The following TMEM272 variants were observed in gnomAD, a reference collection of about 807,000 sequenced individuals.
TMEM272 encodes transmembrane protein 272, also known as long intergenic non-protein coding RNA 282.
A neutral mutation model predicts 3.7 loss-of-function variants in TMEM272; 8 were observed. The ratio of observed to expected loss-of-function variants is 2.17; its 90% CI spans 1.27 to 3.91. TMEM272 has a LOEUF of 3.91. Among genes scored for constraint, TMEM272 ranks in the 30% most tolerant of loss-of-function variants. The probability of loss-of-function intolerance (pLI) is 0.00; values close to 1 mark genes in which losing one functional copy is unlikely to be tolerated. For synonymous variants in TMEM272, 63 were observed against 39.8 expected (o/e 1.58, Z -2.20); for missense variants, 166 against 91.5 (o/e 1.81, Z -3.32).
At chr13:51,831,599 C>T (rs1217765790) in intron 2 of TMEM272, among the ~76,000 whole-genome samples, 3 of 152,192 alleles carry the variant, frequency 2.0e-5, no homozygotes, top group Admixed American at 2.0e-4. Flanking sequence ...AGCACGAGGC[C>T]TTCTTTACCA....
chr13:51,851,401 GAAGAAGAAC>G, the TMEM272 span, among the ~76,000 whole-genome samples: 15 of 147,016 alleles, frequency 1.0e-4, no homozygotes, highest in African/African-American at 3.5e-4. Context: ...GGAGGAGGAA[GAAGAAGAAC>G]AAGAAGAAGA....
chr13:51,874,609 C>T, the TMEM272 span, among the ~76,000 whole-genome samples: 1 of 152,190 alleles, frequency 6.6e-6, no homozygotes, highest in East Asian at 1.9e-4. Context: ...ACCCCACACC[C>T]AAATGCAGGC....
At chr13:51,825,634 TG>T (rs1234016166) in intron 3 of TMEM272, among the ~76,000 whole-genome samples, 2 of 65,612 alleles carry the variant, frequency 3.0e-5, no homozygotes, top group African/African-American at 1.7e-4. Context: ...TTTGTTTTTG[TG>T]TTTTTTTTTT....
chr13:51,814,483 G>T lies in TMEM272; in HGVS notation c.*2268C>A, dbSNP rs1437454251. The T allele has an allele frequency of 1.3e-5, 2 of 152,256 alleles. No individual in the cohort carries two copies. Among genetic ancestry groups the T allele is most frequent in the African/African-American group, 2.4e-5 (1 of 41,468 alleles). The allele number at this position is 152,256 out of a possible 1,614,324, so 9.4% of individuals were successfully genotyped here. A position where few individuals can be genotyped will look rare whatever the true frequency, so the allele number is the denominator to read the frequency against. The stretch of plus-strand genomic sequence containing the variant: ...GGTAATTTTGTTTTTTAGAGATGGG[G>T]TCTCATTCTGTCACCCAGAGTAGAG... On this transcript the variant is annotated 3_prime_UTR_variant, in exon 5 of 5. Transcript: ENST00000629372.
At chr13:51,931,603 T>C in the TMEM272 span, among the ~76,000 whole-genome samples, 1 of 152,098 alleles carries the variant, frequency 6.6e-6, no homozygotes, top group African/African-American at 2.4e-5. Context: ...CAAACCTGCA[T>C]GCTCTGCACA....
At chr13:51,846,823 A>C (rs181348645), upstream of TMEM272, among the ~76,000 whole-genome samples, 73 of 152,356 alleles carry the variant, frequency 4.8e-4, no homozygotes, top group East Asian at 0.011. Context: ...AAAAATTATA[A>C]AGTAAAAAAG....
At chr13:51,913,308 T>C in the TMEM272 span, among the ~76,000 whole-genome samples, 1 of 152,240 alleles carries the variant, frequency 6.6e-6, no homozygotes, top group Non-Finnish European at 1.5e-5. Flanking sequence ...GTGAGGCAGT[T>C]TGCTTTTACC....
At chr13:51,820,260 G>A (rs536484967) in intron 4 of TMEM272, among the ~76,000 whole-genome samples, 34 of 152,278 alleles carry the variant, frequency 2.2e-4, no homozygotes, top group African/African-American at 7.5e-4. Context: ...TTCATAGAAT[G>A]CAATACTGTG....
chr13:51,834,478 T>G (rs927476130), intron 2 of TMEM272, among the ~76,000 whole-genome samples: 2 of 152,226 alleles, frequency 1.3e-5, no homozygotes, highest in Non-Finnish European at 2.9e-5. Context: ...AAATTAATTT[T>G]ATTAAAGAGG....
the TMEM272 span, among the ~76,000 whole-genome samples, chr13:51,892,751 C>T: frequency 9.7e-4 from 148 of 152,248 alleles, no homozygotes; most frequent in Non-Finnish European, 1.4e-3. Context: ...TCTCATGCAG[C>T]CCCTCCTCCA....
At chr13:51,845,760 A>T (rs1347522615), upstream of TMEM272, among the ~76,000 whole-genome samples, 1 of 152,210 alleles carries the variant, frequency 6.6e-6, no homozygotes, top group Non-Finnish European at 1.5e-5. Flanking sequence ...CTGCTGATTT[A>T]TAAGAAGTGC....
At chr13:51,915,237 G>A in the TMEM272 span, among the ~76,000 whole-genome samples, 2 of 152,166 alleles carry the variant, frequency 1.3e-5, no homozygotes, top group African/African-American at 4.8e-5. Flanking sequence ...CCCTAGCAAG[G>A]TTGATAGAAA....
chr13:51,889,539 G>A, the TMEM272 span, among the ~76,000 whole-genome samples: 25 of 152,236 alleles, frequency 1.6e-4, no homozygotes, highest in South Asian at 4.1e-4. Context: ...CAGCCCTGCC[G>A]GCACCTTGAT....
the TMEM272 span, among the ~76,000 whole-genome samples, chr13:51,853,969 G>A: frequency 6.6e-6 from 1 of 152,132 alleles, no homozygotes; most frequent in Non-Finnish European, 1.5e-5. Flanking sequence ...TTGAAAATTG[G>A]CAAGAATGGT....
the TMEM272 span, among the ~76,000 whole-genome samples, chr13:51,918,130 A>C: frequency 6.6e-6 from 1 of 152,118 alleles, no homozygotes; most frequent in Admixed American, 6.5e-5. Flanking sequence ...TTACCATCAC[A>C]GTTCTCAAAA....
chr13:51,882,551 G>A, the TMEM272 span, among the ~76,000 whole-genome samples: 1 of 152,230 alleles, frequency 6.6e-6, no homozygotes, highest in African/African-American at 2.4e-5. Context: ...TGAACCAACA[G>A]TTATAAAAGT....
intron 2 of TMEM272, among the ~76,000 whole-genome samples, chr13:51,833,437 C>T (rs1474444540): frequency 6.6e-6 from 1 of 152,156 alleles, no homozygotes. Context: ...GGGGGTGGCT[C>T]TCGGAGTGAA....
At chr13:51,873,505 T>C in the TMEM272 span, among the ~76,000 whole-genome samples, 1 of 152,358 alleles carries the variant, frequency 6.6e-6, no homozygotes, top group East Asian at 1.9e-4. Context: ...GCAATGTTTC[T>C]TGAATTTCAT....
the TMEM272 span, among the ~76,000 whole-genome samples, chr13:51,868,498 T>C: frequency 1.3e-5 from 2 of 152,264 alleles, no homozygotes; most frequent in Non-Finnish European, 2.9e-5. Flanking sequence ...GTTTCACAGA[T>C]AGAGTGCAGA....
Sources: allele counts gnomAD v4.1 joint callset (sites outside exome capture counted in the v4.1 genomes callset), GRCh38; gene constraint gnomAD v4.1.1; transcripts MANE v1.5; gene names NCBI Gene and HGNC (gene_info 2026-07-23, HGNC 2026-07-21).